The following EYS variants were observed in gnomAD, a reference collection of about 807,000 sequenced individuals.
EYS encodes protein eyes shut homolog.
In EYS, 250 loss-of-function variants were observed where a neutral mutation model predicts 282.1. The ratio of observed to expected loss-of-function variants is 0.89; its 90% CI spans 0.80 to 0.98. EYS has a LOEUF of 0.98. Among genes scored for constraint, EYS ranks in the 50% least tolerant of loss-of-function variants. The pLI is 0.00. For synonymous variants in EYS, 1,355 were observed against 1,282.9 expected (o/e 1.06, Z -1.20); for missense variants, 4,016 against 3,709.0 (o/e 1.08, Z -2.15).
chr6:64,694,312 A>G (rs1770502382), intron 22 of EYS, among the ~76,000 whole-genome samples: 3 of 152,186 alleles, frequency 2.0e-5, no homozygotes, highest in Non-Finnish European at 2.9e-5. Flanking sequence ...ATGCTTTTAA[A>G]AATAAGGCAG....
chr6:65,478,725 G>T (rs187240885), intron 5 of EYS, among the ~76,000 whole-genome samples: 1 of 151,948 alleles, frequency 6.6e-6, no homozygotes. Context: ...ACTTGGAAGG[G>T]CCCTGTTTAG....
At chr6:64,392,476 C>T (rs2150428767) in intron 28 of EYS, among the ~76,000 whole-genome samples, 1 of 151,518 alleles carries the variant, frequency 6.6e-6, no homozygotes. Flanking sequence ...AAGAAACTCA[C>T]TCAAAACCGC....
At chr6:64,231,072 TTG>T (rs149522181) in intron 30 of EYS, among the ~76,000 whole-genome samples, 5,618 of 152,216 alleles carry the variant, frequency 0.037, 249 homozygotes, top group African/African-American at 0.11. Flanking sequence ...CTTCATAAAC[TTG>T]TCAGTTGTTT....
At chr6:63,853,796 A>G (rs186813060) in intron 36 of EYS, among the ~76,000 whole-genome samples, 39 of 152,354 alleles carry the variant, frequency 2.6e-4, no homozygotes, top group Middle Eastern at 3.4e-3. Flanking sequence ...ATGTAGGCCA[A>G]TGGAACAGAA....
At chr6:64,232,833 T>G (rs4710475) in intron 30 of EYS, among the ~76,000 whole-genome samples, 48,298 of 152,056 alleles carry the variant, frequency 0.32, 7,675 homozygotes, top group East Asian at 0.5. Context: ...TAATCAACTT[T>G]CTCTGATATT....
intron 2 of EYS, among the ~76,000 whole-genome samples, chr6:65,563,147 C>T (rs1019151300): frequency 2.0e-5 from 3 of 152,184 alleles, no homozygotes; most frequent in Admixed American, 1.3e-4. Context: ...AATTATATAA[C>T]AAGCCCTGGC....
chr6:65,068,664 T>A (rs146377220), intron 12 of EYS, among the ~76,000 whole-genome samples: 3 of 152,148 alleles, frequency 2.0e-5, no homozygotes, highest in Non-Finnish European at 4.4e-5. Context: ...TACCAGTTTC[T>A]AGGTATCATA....
chr6:65,194,084 T>C (rs2150241681), intron 12 of EYS, among the ~76,000 whole-genome samples: 1 of 152,090 alleles, frequency 6.6e-6, no homozygotes, highest in Admixed American at 6.6e-5. Context: ...AACTTTGCTT[T>C]ATAGATTGCT....
In EYS at chr6:65,402,597, C is replaced by G; in HGVS notation, c.1065G>C (p.Met355Ile). ...CTGTAAATATTGGTGAACAGATGCA[C>G]ATAACATCCTAGGAAAGATTAAAAA... ...TDCIKISNDV[M>I]CICSPIFTDL... The change falls in exon 7 of 43, where the codon ATG becomes ATC. Residue 355 changes from methionine (M) to isoleucine (I), a missense_variant. Coordinates refer to ENST00000503581, the MANE Select transcript of EYS (RefSeq NM_001142800.2). 6.4e-7 allele frequency: 1 copy of G among 1,574,438 alleles called. No individual in the cohort carries two copies. The highest frequency in any genetic ancestry group is 8.7e-7 in the Non-Finnish European group (1 of 1,145,406).
Position 63,755,444 on chromosome 6 carries a change from G to T in EYS, c.8071+7017C>A, listed in dbSNP as rs550955172. On this transcript the variant is annotated intron_variant, in intron 41 of 42. Transcript: ENST00000503581. Reference sequence around the variant, plus strand: ...TGTCAAAGATCAGATGGCTGTAGATGTGTGGTGTTATTTCTGAGGCCTCTG... The same window carrying T: ...TGTCAAAGATCAGATGGCTGTAGATTTGTGGTGTTATTTCTGAGGCCTCTG... 9.2e-5 allele frequency among the ~76,000 whole-genome samples: 14 copies of T among 152,288 alleles called. No homozygotes were observed. In the South Asian group the frequency reaches 2.9e-3, roughly 32 times the overall value.
chr6:64,717,634 C>T (rs529100283), intron 22 of EYS, among the ~76,000 whole-genome samples: 2 of 152,312 alleles, frequency 1.3e-5, no homozygotes, highest in Non-Finnish European at 2.9e-5. Context: ...AGGCCATGAA[C>T]TGGCACCCCT....
chr6:64,731,010 C>A (rs1183247082), intron 22 of EYS: 2 of 152,102 alleles, frequency 1.3e-5, no homozygotes, highest in Non-Finnish European at 2.9e-5. Flanking sequence ...AAAAGAAAAT[C>A]ATAGATTTTA....
Position 64,663,499 on chromosome 6 carries a change from G to A in EYS, c.3444-37254C>T, listed in dbSNP as rs764575124. 3.3e-5 allele frequency among the ~76,000 whole-genome samples: 5 copies of A among 152,126 alleles called. 1 individual carries two copies. The South Asian group carries it at 6.2e-4, about 19-fold the overall frequency. On this transcript the variant is annotated intron_variant, in intron 22 of 42. Transcript: ENST00000503581. ...GCTTATTTCTTGCTTATAAGACAAA[G>A]CTATCACGGGTTCACTAGAACTACA...
At chr6:65,694,364 T>C (rs1275307248) in intron 1 of EYS, among the ~76,000 whole-genome samples, 1 of 149,024 alleles carries the variant, frequency 6.7e-6, no homozygotes, top group Non-Finnish European at 1.5e-5. Context: ...TTATGGAGTT[T>C]AATCATATTG....
intron 32 of EYS, among the ~76,000 whole-genome samples, chr6:64,070,316 C>T (rs1771528030): frequency 6.6e-6 from 1 of 151,968 alleles, no homozygotes; most frequent in Non-Finnish European, 1.5e-5. Flanking sequence ...CAGAGTTATG[C>T]AGAGTTTTCA....
At chr6:64,748,870 T>G (rs1364254207) in intron 22 of EYS, among the ~76,000 whole-genome samples, 1 of 152,212 alleles carries the variant, frequency 6.6e-6, no homozygotes, top group East Asian at 1.9e-4. Flanking sequence ...CCTCCCAGGT[T>G]CAAGCAATTC....
chr6:63,726,732 A>G, intron 41 of EYS, 52 bp from the exon 42 acceptor site: 1 of 1,451,226 alleles, frequency 6.9e-7, no homozygotes, highest in South Asian at 1.3e-5. Context: ...GGATTAAAAA[A>G]CATTGCTCAT....
At chr6:63,967,574 C>CAA (rs201306576) in intron 35 of EYS, among the ~76,000 whole-genome samples, 1,612 of 152,288 alleles carry the variant, frequency 0.011, 24 homozygotes, top group African/African-American at 0.037. Flanking sequence ...GATCCTGACA[C>CAA]AAGTGACGAT....
chr6:64,380,386 G>T (rs906141406), intron 29 of EYS, among the ~76,000 whole-genome samples: 2 of 152,074 alleles, frequency 1.3e-5, no homozygotes, highest in East Asian at 3.9e-4. Flanking sequence ...ACTCAGTACT[G>T]ATGTTGCTCA....
Sources: allele counts gnomAD v4.1 joint callset (sites outside exome capture counted in the v4.1 genomes callset), GRCh38; gene constraint gnomAD v4.1.1; transcripts MANE v1.5; gene names NCBI Gene and HGNC (gene_info 2026-07-23, HGNC 2026-07-21).